Variants in MICAL3 observed in about 807,000 individuals in gnomAD.
The protein encoded by MICAL3 is microtubule associated monooxygenase, calponin and LIM domain containing 3, also known as [F-actin]-monooxygenase MICAL3.
A neutral mutation model predicts 207.4 loss-of-function variants in MICAL3; 62 were observed. The ratio of observed to expected loss-of-function variants is 0.30; its 90% CI spans 0.24 to 0.37. The LOEUF (loss-of-function observed/expected upper bound fraction) is 0.37. Ranked by LOEUF, MICAL3 falls within the 10% of genes least tolerant of loss-of-function variation. The probability of loss-of-function intolerance (pLI) is 1.00; values close to 1 mark genes in which losing one functional copy is unlikely to be tolerated. For synonymous variants in MICAL3, 1,077 were observed against 1,069.3 expected, an observed-to-expected ratio of 1.01 and a Z score of -0.14; for missense variants, 2,368 against 2,635.6, an observed-to-expected ratio of 0.90 and a Z score of 2.22.
chr22:17,866,913 T>C (rs1420587893), intron 17 of MICAL3, among the ~76,000 whole-genome samples: 1 of 152,244 alleles, frequency 6.6e-6, no homozygotes, highest in African/African-American at 2.4e-5. Flanking sequence ...TGACGACTTT[T>C]GAATCTCAAG....
At chr22:17,890,004 T>C (rs1403846230) in intron 12 of MICAL3, among the ~76,000 whole-genome samples, 1 of 152,166 alleles carries the variant, frequency 6.6e-6, no homozygotes, top group Non-Finnish European at 1.5e-5. Flanking sequence ...CTCTGATCAA[T>C]CTTAGCCTTC....
intron 1 of MICAL3, among the ~76,000 whole-genome samples, chr22:17,949,449 G>C (rs894277892): frequency 1.3e-5 from 2 of 152,194 alleles, no homozygotes; most frequent in Non-Finnish European, 2.9e-5. Context: ...CACACAGTGA[G>C]CGACAAAGCA....
chr22:17,901,849 G>A (rs957415083), intron 5 of MICAL3, 29 bp downstream of exon 5: 3 of 1,567,126 alleles, frequency 1.9e-6, no homozygotes, highest in East Asian at 4.5e-5. Flanking sequence ...CCTCTGCTAT[G>A]AGCCAGGCAG....
At chr22:17,951,841 C>T (rs112056199) in intron 1 of MICAL3, among the ~76,000 whole-genome samples, 4,079 of 151,976 alleles carry the variant, frequency 0.027, 204 homozygotes, top group African/African-American at 0.094. Flanking sequence ...GGATTACAGG[C>T]GCCCGCCACC....
chr22:17,960,734 G>A (rs13053880), intron 1 of MICAL3, among the ~76,000 whole-genome samples: 17,741 of 152,100 alleles, frequency 0.12, 1,344 homozygotes, highest in Middle Eastern at 0.2. Context: ...CACCCGCCCC[G>A]GGGTCAGATT....
In MICAL3 at chr22:17,881,355, T is replaced by C. The variant is rs549145176; in HGVS notation, c.2241+4523A>G. ...GAGAACATCATTCAAACAGTGGCCA[T>C]GTGGAAGCTGGTTCTGGGAGGACTG... is the stretch of plus-strand genomic sequence containing the variant. On this transcript the variant is annotated intron_variant, in intron 16 of 31. Coordinates refer to ENST00000441493, the MANE Select transcript of MICAL3 (RefSeq NM_015241.3). 35 of 1,406,042 alleles carry C rather than the reference T, an allele frequency of 2.5e-5. No individual in the cohort carries two copies. In the South Asian group the frequency reaches 3.0e-4, roughly 12 times the overall value. 87.1% of individuals were successfully genotyped at this position (1,406,042 alleles called of 1,614,324 possible).
chr22:17,854,833 A>C (rs774167655), intron 19 of MICAL3, among the ~76,000 whole-genome samples: 10 of 152,158 alleles, frequency 6.6e-5, no homozygotes, highest in Non-Finnish European at 1.5e-4. Context: ...CCTTTCACTC[A>C]CTTTCTCCTG....
chr22:17,833,232 T>A (rs566498610), intron 20 of MICAL3, among the ~76,000 whole-genome samples: 21 of 152,310 alleles, frequency 1.4e-4, no homozygotes, highest in African/African-American at 5.1e-4. Flanking sequence ...AACCCCAACA[T>A]TGCTGCACAA....
chr22:17,962,761 C>G (rs1004725127), intron 1 of MICAL3, among the ~76,000 whole-genome samples: 2 of 141,390 alleles, frequency 1.4e-5, no homozygotes, highest in Non-Finnish European at 3.2e-5. Context: ...TAAAAACCAG[C>G]TGCTGGTGTT....
chr22:17,851,503 C>T (rs1217801599), intron 19 of MICAL3, among the ~76,000 whole-genome samples: 1 of 152,170 alleles, frequency 6.6e-6, no homozygotes. Context: ...TCAGGGTAGG[C>T]AGTCAATAAA....
At chr22:17,923,317 C>T (rs1932840956) in intron 1 of MICAL3, among the ~76,000 whole-genome samples, 1 of 152,198 alleles carries the variant, frequency 6.6e-6, no homozygotes, top group African/African-American at 2.4e-5. Flanking sequence ...TCTTTTCTCC[C>T]AAAGACCAGT....
chr22:17,817,228 G>A (rs1319531252), intron 26 of MICAL3, 83 bp downstream of exon 26: 2 of 1,448,134 alleles, frequency 1.4e-6, no homozygotes, highest in Non-Finnish European at 9.2e-7. Context: ...GCGTGTGAGT[G>A]TGGATCCTGA....
chr22:18,023,247 G>T (rs889531752), intron 1 of MICAL3, among the ~76,000 whole-genome samples: 2 of 151,634 alleles, frequency 1.3e-5, no homozygotes, highest in Non-Finnish European at 2.9e-5. Flanking sequence ...CCCACAAAAA[G>T]AAAATTTAAA....
At chr22:17,942,438 G>T (rs996724581) in intron 1 of MICAL3, among the ~76,000 whole-genome samples, 5 of 152,184 alleles carry the variant, frequency 3.3e-5, no homozygotes, top group Admixed American at 6.5e-5. Flanking sequence ...CCTCCACTTA[G>T]CGGAGTGGTG....
chr22:17,794,786 A>G (rs1010446471), intron 29 of MICAL3, among the ~76,000 whole-genome samples: 10 of 152,140 alleles, frequency 6.6e-5, no homozygotes, highest in African/African-American at 2.4e-4. Context: ...CAGTGTGCAG[A>G]GAGACATCTC....
intron 1 of MICAL3, among the ~76,000 whole-genome samples, chr22:17,938,988 T>A (rs1377468493): frequency 6.6e-6 from 1 of 152,134 alleles, no homozygotes; most frequent in South Asian, 2.1e-4. Context: ...AGAAATTTCA[T>A]CTCCAATGTG....
intron 16 of MICAL3, among the ~76,000 whole-genome samples, chr22:17,873,039 G>A (rs1278066007): frequency 1.3e-5 from 2 of 152,186 alleles, no homozygotes; most frequent in East Asian, 1.9e-4. Context: ...GAAAAACATC[G>A]CGTCAGTGTC....
chr22:17,943,423 C>T (rs570197591), intron 1 of MICAL3, among the ~76,000 whole-genome samples: 1 of 152,358 alleles, frequency 6.6e-6, no homozygotes, highest in South Asian at 2.1e-4. Context: ...CTCAGCCTCC[C>T]AAAGTGCTGG....
chr22:17,884,373 C>T (rs1368123562), intron 16 of MICAL3: 3 of 1,579,946 alleles, frequency 1.9e-6, no homozygotes, highest in Non-Finnish European at 2.6e-6. Flanking sequence ...GACACACAGG[C>T]CAAGTGTGGG....
Sources: allele counts gnomAD v4.1 joint callset (sites outside exome capture counted in the v4.1 genomes callset), GRCh38; gene constraint gnomAD v4.1.1; transcripts MANE v1.5; gene names NCBI Gene and HGNC (gene_info 2026-07-23, HGNC 2026-07-21).